CHCHD3: variants seen among roughly 807,000 people sequenced by gnomAD.
CHCHD3 encodes the protein MICOS complex subunit MIC19.
In CHCHD3, 20 loss-of-function variants were observed where a neutral mutation model predicts 38.2. That is an observed-to-expected ratio of 0.52 (90% CI 0.37 to 0.76). CHCHD3 has a LOEUF of 0.76. Ranked by LOEUF, CHCHD3 falls within the 30% of genes least tolerant of loss-of-function variation. The probability of loss-of-function intolerance (pLI) is 0.00; values close to 1 mark genes in which losing one functional copy is unlikely to be tolerated. For missense variants in CHCHD3, 245 were observed against 279.2 expected (o/e 0.88, Z 0.87); for synonymous variants, 82 against 100.0 (o/e 0.82, Z 1.07).
intron 3 of CHCHD3, among the ~76,000 whole-genome samples, chr7:133,003,708 C>T (rs981595975): frequency 2.6e-5 from 4 of 152,188 alleles, no homozygotes; most frequent in African/African-American, 9.7e-5. Flanking sequence ...CTGACTCAAG[C>T]TCTTGCCCAA....
intron 3 of CHCHD3, among the ~76,000 whole-genome samples, chr7:132,992,518 C>A (rs1812310314): frequency 6.6e-6 from 1 of 152,222 alleles, no homozygotes; most frequent in African/African-American, 2.4e-5. Context: ...ATGTCCAATA[C>A]AGTCCCCATT....
Position 133,027,363 on chromosome 7 carries a change from AAGAG to A in CHCHD3, c.170-2740_170-2737del, listed in dbSNP as rs371411456. Among the ~76,000 whole-genome samples the A allele has an allele frequency of 5.5e-4, 74 of 133,866 alleles. 1 individual carries two copies. The highest frequency in any genetic ancestry group is 1.2e-3 in the East Asian group (5 of 4,222). The allele number at this position is 133,866 out of a possible 152,430, so 87.8% of individuals were successfully genotyped here. A position where few individuals can be genotyped will look rare whatever the true frequency, so the allele number is the denominator to read the frequency against. On this transcript the variant is annotated intron_variant, in intron 2 of 7. Transcript: ENST00000262570. ...TGCTAAATGTACCTTAATAAGTTGT[AAGAG>A]AGAGAGAGAGAGAGAGAGAAAGAGA...
intron 3 of CHCHD3, among the ~76,000 whole-genome samples, chr7:133,019,083 A>C (rs1280940976): frequency 6.6e-6 from 1 of 151,834 alleles, no homozygotes; most frequent in African/African-American, 2.4e-5. Flanking sequence ...GGGTTTCACC[A>C]TGTTGGTCAG....
chr7:132,965,217 T>C (rs750627919), intron 4 of CHCHD3, among the ~76,000 whole-genome samples: 1 of 152,072 alleles, frequency 6.6e-6, no homozygotes, highest in Non-Finnish European at 1.5e-5. Context: ...ATCAAATCCA[T>C]TACACGTTAA....
chr7:132,810,660 G>A (rs1369408403), intron 6 of CHCHD3, among the ~76,000 whole-genome samples: 1 of 152,116 alleles, frequency 6.6e-6, no homozygotes, highest in Admixed American at 6.5e-5. Flanking sequence ...CTACGTAAAG[G>A]GATAATGATA....
chr7:132,817,026 A>G (rs183381364), intron 6 of CHCHD3, among the ~76,000 whole-genome samples: 1 of 152,332 alleles, frequency 6.6e-6, no homozygotes, highest in East Asian at 1.9e-4. Context: ...AAGAGACACA[A>G]AGGGCATCCC....
chr7:133,044,148 A>G (rs180910778), intron 2 of CHCHD3, among the ~76,000 whole-genome samples: 8 of 152,360 alleles, frequency 5.3e-5, no homozygotes, highest in African/African-American at 1.2e-4. Flanking sequence ...TGATAAACCA[A>G]CTGTGGATAA....
chr7:132,897,434 T>C (rs1473235531), intron 4 of CHCHD3, among the ~76,000 whole-genome samples: 3 of 152,226 alleles, frequency 2.0e-5, no homozygotes, highest in African/African-American at 7.2e-5. Context: ...ACCTCTTTTC[T>C]TGCAATCTGT....
intron 5 of CHCHD3, among the ~76,000 whole-genome samples, chr7:132,844,476 C>T (rs960741049): frequency 3.3e-5 from 5 of 152,182 alleles, no homozygotes; most frequent in Admixed American, 2.6e-4. Context: ...TGCATATTGT[C>T]CTGCCCCATA....
intron 4 of CHCHD3, among the ~76,000 whole-genome samples, chr7:132,966,433 A>G (rs939711241): frequency 3.3e-5 from 5 of 152,246 alleles, no homozygotes; most frequent in African/African-American, 1.2e-4. Flanking sequence ...AGTGCCATTT[A>G]GGAATCATAT....
intron 4 of CHCHD3, among the ~76,000 whole-genome samples, chr7:132,937,700 A>G (rs1046575340): frequency 3.3e-5 from 5 of 152,220 alleles, no homozygotes; most frequent in East Asian, 1.9e-4. Flanking sequence ...TACTAATGGA[A>G]GCTTTCAGAA....
intron 4 of CHCHD3, among the ~76,000 whole-genome samples, chr7:132,967,253 A>G (rs1811487769): frequency 6.6e-6 from 1 of 152,230 alleles, no homozygotes. Context: ...AATTGTTGCC[A>G]AGAACATCAA....
intron 4 of CHCHD3, among the ~76,000 whole-genome samples, chr7:132,958,152 G>C (rs756474683): frequency 1.3e-5 from 2 of 152,104 alleles, no homozygotes; most frequent in African/African-American, 2.4e-5. Flanking sequence ...AGGCTAAGAG[G>C]GCTTATTATA....
At chr7:133,000,438 T>G (rs1257152145) in intron 3 of CHCHD3, among the ~76,000 whole-genome samples, 4 of 152,186 alleles carry the variant, frequency 2.6e-5, no homozygotes, top group Admixed American at 2.0e-4. Flanking sequence ...GTGACTTTTA[T>G]GATTATTCTA....
intron 5 of CHCHD3, among the ~76,000 whole-genome samples, chr7:132,852,263 G>T (rs1274804538): frequency 1.3e-5 from 2 of 152,142 alleles, no homozygotes; most frequent in South Asian, 2.1e-4. Flanking sequence ...GGCCAGGCCA[G>T]GGGTAAGTCC....
At chr7:132,832,526 T>C (rs989314768) in intron 6 of CHCHD3, among the ~76,000 whole-genome samples, 5 of 152,170 alleles carry the variant, frequency 3.3e-5, no homozygotes, top group South Asian at 2.1e-4. Context: ...TTATGGAAAA[T>C]AGAAACTCGC....
rs10263004 is a variant in CHCHD3, at chr7:133,035,356, G to A, written c.170-10729C>T. 4,421 of 1,611,310 alleles carry A rather than the reference G, an allele frequency of 2.7e-3. 71 individuals carry two copies. The African/African-American group carries it at 0.034, about 12-fold the overall frequency. ...TGGTTAATGCAGGTGAGGAACCAGC[G>A]GTTGGTATTGCGAAAGGCCCGGCGG... is the stretch of plus-strand genomic sequence containing the variant. On this transcript the variant is annotated intron_variant, in intron 2 of 7. Transcript: ENST00000262570. This position sits in a 1 kb window ranked among gnomAD's most constrained non-coding sequence, Gnocchi z 4.7.
At chr7:133,064,709 A>G (rs1169291664) in intron 2 of CHCHD3, among the ~76,000 whole-genome samples, 1 of 152,252 alleles carries the variant, frequency 6.6e-6, no homozygotes, top group East Asian at 1.9e-4. Context: ...CTTAACACAA[A>G]CTGGCAAATC....
In CHCHD3 at chr7:132,973,999, T is replaced by C. The variant is rs1811689013; in HGVS notation, c.369+1170A>G. 3.9e-6 allele frequency: 5 copies of C among 1,287,318 alleles called. No individual in the cohort carries two copies. In the South Asian group the frequency reaches 5.0e-5, roughly 13 times the overall value. 79.7% of individuals were successfully genotyped at this position (1,287,318 alleles called of 1,614,324 possible). A position where few individuals can be genotyped will look rare whatever the true frequency, so the allele number is the denominator to read the frequency against. On this transcript the variant is annotated intron_variant, in intron 4 of 7. Coordinates refer to ENST00000262570, the MANE Select transcript of CHCHD3 (RefSeq NM_017812.4). Reference sequence around the variant, plus strand: ...AGGCTAAGCAGTCAACACTCCAGGTTTCACCCAGAGCAGCTCCACTTTTAT... The same window carrying C: ...AGGCTAAGCAGTCAACACTCCAGGTCTCACCCAGAGCAGCTCCACTTTTAT...
Sources: allele counts gnomAD v4.1 joint callset (sites outside exome capture counted in the v4.1 genomes callset), GRCh38; gene constraint gnomAD v4.1.1; non-coding constraint Gnocchi (gnomAD v3.1); transcripts MANE v1.5; gene names NCBI Gene and HGNC (gene_info 2026-07-23, HGNC 2026-07-21).